Variants in FCER1A observed in about 807,000 individuals in gnomAD.
FCER1A encodes the protein high affinity immunoglobulin epsilon receptor subunit alpha.
In FCER1A, 24 loss-of-function variants were observed where a neutral mutation model predicts 23.6. The ratio of observed to expected loss-of-function variants is 1.02; its 90% CI spans 0.74 to 1.43. The LOEUF is 1.43. Ranked by LOEUF, FCER1A falls within the 40% of genes most tolerant of loss-of-function variation. The pLI is 0.00. For missense variants in FCER1A, 318 were observed against 294.5 expected, an observed-to-expected ratio of 1.08 and a Z score of -0.58; for synonymous variants, 121 against 108.8, an observed-to-expected ratio of 1.11 and a Z score of -0.70.
the FCER1A span, among the ~76,000 whole-genome samples, chr1:159,284,310 G>T: frequency 6.6e-6 from 1 of 152,216 alleles, no homozygotes; most frequent in African/African-American, 2.4e-5. Flanking sequence ...CACTGTCAGA[G>T]CCCTTCCTTG....
At chr1:159,296,338 G>C (rs1652292766) in intron 1 of FCER1A, among the ~76,000 whole-genome samples, 1 of 152,000 alleles carries the variant, frequency 6.6e-6, no homozygotes. Context: ...AAGAAATAAA[G>C]GGAAATAACA....
Position 159,296,437 on chromosome 1 carries a change from G to A in FCER1A, c.-59-5869G>A, listed in dbSNP as rs114633119. On this transcript the variant is annotated intron_variant, in intron 1 of 5. Transcript: ENST00000368115. The stretch of plus-strand genomic sequence containing the variant: ...AAGGTATTGGTGACACAAATATCAT[G>A]AACAGTGTAGCTACAGGTGATCTGA... 8.0e-3 allele frequency among the ~76,000 whole-genome samples: 1,222 copies of A among 152,274 alleles called. 22 individuals are homozygous for A. Among genetic ancestry groups the A allele is most frequent in the African/African-American group, 0.028 (1,148 of 41,542 alleles).
intron 3 of FCER1A, 105 bp from the exon 4 acceptor site, chr1:159,305,883 A>C: frequency 1.0e-6 from 1 of 996,358 alleles, no homozygotes; most frequent in Non-Finnish European, 1.5e-6. Flanking sequence ...AGTTAATGAT[A>C]ATTCATAGTT....
intron 2 of FCER1A, among the ~76,000 whole-genome samples, chr1:159,303,259 C>A (rs1652493546): frequency 6.6e-6 from 1 of 152,088 alleles, no homozygotes; most frequent in Non-Finnish European, 1.5e-5. Context: ...ACGTAAGTTC[C>A]TTGGATCTAA....
At chr1:159,300,949 G>A (rs183169651), upstream of FCER1A, among the ~76,000 whole-genome samples, 3 of 152,178 alleles carry the variant, frequency 2.0e-5, no homozygotes, top group East Asian at 5.8e-4. Context: ...TACCTTTAAG[G>A]TCTGTCATTA....
chr1:159,289,890 T>G (rs2247584), intron 1 of FCER1A: 52,088 of 152,018 alleles, frequency 0.34, 10,791 homozygotes, highest in Non-Finnish European at 0.47. Context: ...CCATGCTGTA[T>G]TAGCTGTCGG....
At chr1:159,289,611 C>A (rs984922107), upstream of FCER1A, 2 of 152,174 alleles carry the variant, frequency 1.3e-5, no homozygotes, top group Non-Finnish European at 2.9e-5. Context: ...CTTTATGCTA[C>A]TAAAACAGTC....
upstream of FCER1A, among the ~76,000 whole-genome samples, chr1:159,299,349 T>A (rs1404474605): frequency 6.6e-6 from 1 of 152,162 alleles, no homozygotes; most frequent in South Asian, 2.1e-4. Context: ...TTCCCAGTTT[T>A]GGAGAAGGAC....
At chr1:159,291,077 T>G (rs1652139638) in intron 1 of FCER1A, among the ~76,000 whole-genome samples, 1 of 152,178 alleles carries the variant, frequency 6.6e-6, no homozygotes, top group Non-Finnish European at 1.5e-5. Context: ...TCTAGCAAGT[T>G]AATATTTTGA....
chr1:159,287,662 A>G (rs1043709590), upstream of FCER1A, among the ~76,000 whole-genome samples: 2 of 148,816 alleles, frequency 1.3e-5, no homozygotes, highest in Admixed American at 6.7e-5. Flanking sequence ...ATATGTCTAT[A>G]TACACATTGT....
chr1:159,302,995 G>A (rs1424845943), intron 2 of FCER1A, 121 bp downstream of exon 2: 8 of 965,178 alleles, frequency 8.3e-6, no homozygotes, highest in Non-Finnish European at 1.2e-5. Context: ...TCCTTGGCCA[G>A]ACTACTTTCC....
At chr1:159,298,311 A>G (rs115759924), upstream of FCER1A, among the ~76,000 whole-genome samples, 3,683 of 152,192 alleles carry the variant, frequency 0.024, 59 homozygotes, top group Middle Eastern at 0.089. Context: ...GTGGTCCCCA[A>G]TGTTGGAGGT....
chr1:159,289,834 C>T (rs1049508267), intron 1 of FCER1A: 7 of 152,254 alleles, frequency 4.6e-5, no homozygotes, highest in African/African-American at 1.7e-4. Context: ...CTCCCTCTTC[C>T]AGATATCAGC....
At chr1:159,300,578 A>C (rs1652405341), upstream of FCER1A, among the ~76,000 whole-genome samples, 1 of 152,086 alleles carries the variant, frequency 6.6e-6, no homozygotes, top group Non-Finnish European at 1.5e-5. Context: ...GACTGTGGAG[A>C]GGATTGAGAT....
upstream of FCER1A, among the ~76,000 whole-genome samples, chr1:159,298,434 A>G (rs566156545): frequency 2.1e-4 from 32 of 151,740 alleles, no homozygotes; most frequent in Non-Finnish European, 3.5e-4. Flanking sequence ...GGAAACTAGA[A>G]CCTCCCTTTT....
chr1:159,300,214 C>T (rs1009271386), upstream of FCER1A, among the ~76,000 whole-genome samples: 1 of 152,150 alleles, frequency 6.6e-6, no homozygotes, highest in African/African-American at 2.4e-5. Flanking sequence ...AATAGTACCT[C>T]TCGATGAGCC....
chr1:159,291,360 T>C (rs1162522425), intron 1 of FCER1A, among the ~76,000 whole-genome samples: 2 of 152,234 alleles, frequency 1.3e-5, no homozygotes, highest in African/African-American at 4.8e-5. Flanking sequence ...AACTGCATAG[T>C]TCATTTGGTA....
At chr1:159,297,625 A>C (rs1171369970), upstream of FCER1A, among the ~76,000 whole-genome samples, 1 of 152,152 alleles carries the variant, frequency 6.6e-6, no homozygotes, top group Non-Finnish European at 1.5e-5. Context: ...CGAGACTCAA[A>C]CTTTAGAGCT....
chr1:159,286,575 G>A (rs887628266), upstream of FCER1A, among the ~76,000 whole-genome samples: 38 of 152,034 alleles, frequency 2.5e-4, 1 homozygote, highest in African/African-American at 7.7e-4. Context: ...CTTGTGATCC[G>A]CCCGCCTTGG....
Sources: allele counts gnomAD v4.1 joint callset (sites outside exome capture counted in the v4.1 genomes callset), GRCh38; gene constraint gnomAD v4.1.1; transcripts MANE v1.5; gene names NCBI Gene and HGNC (gene_info 2026-07-23, HGNC 2026-07-21).